CSNK2A2IP: variants seen among roughly 807,000 people sequenced by gnomAD.
CSNK2A2IP encodes the protein casein kinase 2 subunit alpha' interacting protein.
chr3:88,394,762 G>C, the CSNK2A2IP span, among the ~76,000 whole-genome samples: 14 of 152,184 alleles, frequency 9.2e-5, no homozygotes, highest in African/African-American at 3.1e-4. Flanking sequence ...AAAACTTTAA[G>C]TCCTTTGTCT....
chr3:88,415,695 A>G, the CSNK2A2IP span, among the ~76,000 whole-genome samples: 7 of 152,120 alleles, frequency 4.6e-5, no homozygotes, highest in Admixed American at 1.3e-4. Flanking sequence ...TCACATACCA[A>G]TGAGGTGTTC....
the CSNK2A2IP span, among the ~76,000 whole-genome samples, chr3:88,380,874 A>G: frequency 6.6e-6 from 1 of 152,204 alleles, no homozygotes; most frequent in African/African-American, 2.4e-5. Context: ...TTTCTTTCAC[A>G]TGTTGATCTA....
At chr3:88,369,108 G>A in the CSNK2A2IP span, among the ~76,000 whole-genome samples, 2 of 151,962 alleles carry the variant, frequency 1.3e-5, no homozygotes, top group Admixed American at 6.6e-5. Flanking sequence ...TTTATTTTTG[G>A]AGGGCAAGGA....
At chr3:88,350,433 T>C in the CSNK2A2IP span, among the ~76,000 whole-genome samples, 2 of 152,056 alleles carry the variant, frequency 1.3e-5, no homozygotes, top group Admixed American at 1.3e-4. Context: ...CATGCCTTCA[T>C]TGAGGAATTC....
At chr3:88,415,474 G>A in the CSNK2A2IP span, among the ~76,000 whole-genome samples, 3 of 151,620 alleles carry the variant, frequency 2.0e-5, no homozygotes, top group East Asian at 1.9e-4. Flanking sequence ...TGATTTTGAC[G>A]TTCTTCATGG....
the CSNK2A2IP span, among the ~76,000 whole-genome samples, chr3:88,429,143 A>G: frequency 6.6e-6 from 1 of 151,814 alleles, no homozygotes; most frequent in Non-Finnish European, 1.5e-5. Flanking sequence ...TTCATGTCCA[A>G]ACATGATTCT....
At chr3:88,401,493 G>A in the CSNK2A2IP span, among the ~76,000 whole-genome samples, 1 of 152,126 alleles carries the variant, frequency 6.6e-6, no homozygotes, top group South Asian at 2.1e-4. Context: ...ACCTTCTAGG[G>A]ACTAACCTTA....
chr3:88,354,575 T>A, the CSNK2A2IP span, among the ~76,000 whole-genome samples: 3 of 152,162 alleles, frequency 2.0e-5, no homozygotes, highest in East Asian at 1.9e-4. Context: ...TGAGTGGTGA[T>A]GAGTGAAGCT....
the CSNK2A2IP span, among the ~76,000 whole-genome samples, chr3:88,376,379 A>G: frequency 1.3e-5 from 2 of 151,646 alleles, no homozygotes; most frequent in South Asian, 2.1e-4. Flanking sequence ...GAGTGAGGTG[A>G]ATGAATACTG....
chr3:88,362,391 G>A, the CSNK2A2IP span, among the ~76,000 whole-genome samples: 1 of 152,184 alleles, frequency 6.6e-6, no homozygotes, highest in African/African-American at 2.4e-5. Context: ...TGGGTTTGGG[G>A]AAGATAAGGG....
At chr3:88,420,983 A>G in the CSNK2A2IP span, among the ~76,000 whole-genome samples, 1 of 152,124 alleles carries the variant, frequency 6.6e-6, no homozygotes, top group Admixed American at 6.5e-5. Flanking sequence ...TAAGAGATAC[A>G]TTTACAGAGA....
the CSNK2A2IP span, among the ~76,000 whole-genome samples, chr3:88,436,238 C>T: frequency 2.6e-5 from 4 of 151,960 alleles, no homozygotes; most frequent in Non-Finnish European, 5.9e-5. Context: ...TAAGTGGTAA[C>T]ATATTTGAAA....
At chr3:88,448,214 C>T in the CSNK2A2IP span, among the ~76,000 whole-genome samples, 2 of 152,074 alleles carry the variant, frequency 1.3e-5, no homozygotes, top group African/African-American at 2.4e-5. Flanking sequence ...ATTTGTGATC[C>T]TGAGATCCTG....
chr3:88,356,880 G>A, the CSNK2A2IP span, among the ~76,000 whole-genome samples: 15 of 152,016 alleles, frequency 9.9e-5, no homozygotes, highest in East Asian at 1.7e-3. Flanking sequence ...ATATCTGTTG[G>A]CCTTTTTTAT....
chr3:88,359,058 G>A, the CSNK2A2IP span, among the ~76,000 whole-genome samples: 1 of 148,696 alleles, frequency 6.7e-6, no homozygotes, highest in East Asian at 2.0e-4. Flanking sequence ...TGTAAGTATA[G>A]TTACTTATGC....
At chr3:88,416,631 A>G in the CSNK2A2IP span, among the ~76,000 whole-genome samples, 1 of 152,226 alleles carries the variant, frequency 6.6e-6, no homozygotes, top group African/African-American at 2.4e-5. Flanking sequence ...CCACGGAATC[A>G]TAGACATTTA....
At chr3:88,428,457 G>A in the CSNK2A2IP span, among the ~76,000 whole-genome samples, 2 of 152,118 alleles carry the variant, frequency 1.3e-5, no homozygotes, top group Admixed American at 6.5e-5. Flanking sequence ...GCCAGAGGTA[G>A]AATGATATGC....
the CSNK2A2IP span, among the ~76,000 whole-genome samples, chr3:88,412,521 A>C: frequency 6.6e-6 from 1 of 152,010 alleles, no homozygotes; most frequent in African/African-American, 2.4e-5. Flanking sequence ...GAGTGATTTA[A>C]GTATGCTTGG....
At chr3:88,434,761 T>C in the CSNK2A2IP span, among the ~76,000 whole-genome samples, 26 of 152,224 alleles carry the variant, frequency 1.7e-4, no homozygotes, top group Middle Eastern at 3.4e-3. Context: ...GAAGTACCTG[T>C]ATGGTGGGGC....
Sources: allele counts gnomAD v4.1 joint callset (sites outside exome capture counted in the v4.1 genomes callset), GRCh38; gene constraint gnomAD v4.1.1; transcripts MANE v1.5; gene names NCBI Gene and HGNC (gene_info 2026-07-23, HGNC 2026-07-21).